The following LRRC7 variants were observed in gnomAD, a reference collection of about 807,000 sequenced individuals.
LRRC7 encodes leucine rich repeat containing 7.
A neutral mutation model predicts 175.7 loss-of-function variants in LRRC7; 23 were observed. That is an observed-to-expected ratio of 0.13 (90% CI 0.09 to 0.19). The LOEUF is 0.19. Ranked by LOEUF, LRRC7 falls within the 10% of genes least tolerant of loss-of-function variation. The probability of loss-of-function intolerance (pLI) is 1.00; values close to 1 mark genes in which losing one functional copy is unlikely to be tolerated. For missense variants in LRRC7, 1,354 were observed against 1,904.7 expected (o/e 0.71, Z 5.38); for synonymous variants, 685 against 680.9 (o/e 1.01, Z -0.09).
chr1:69,742,662 C>T (rs1283353141), intron 2 of LRRC7, among the ~76,000 whole-genome samples: 1 of 151,818 alleles, frequency 6.6e-6, no homozygotes, highest in Non-Finnish European at 1.5e-5. Flanking sequence ...GCATGATCAA[C>T]CATTCTGAGA....
chr1:70,004,924 G>T (rs1655867246), intron 11 of LRRC7, among the ~76,000 whole-genome samples: 1 of 152,054 alleles, frequency 6.6e-6, no homozygotes, highest in African/African-American at 2.4e-5. Context: ...TTTACATTTT[G>T]TGGAATAGAA....
chr1:70,098,791 T>G (rs1349656883), intron 25 of LRRC7, among the ~76,000 whole-genome samples: 1 of 151,124 alleles, frequency 6.6e-6, no homozygotes, highest in Non-Finnish European at 1.5e-5. Flanking sequence ...AATCTCTGAA[T>G]AGACCAATAA....
Position 70,107,846 on chromosome 1 carries a change from T to C in LRRC7, c.4620+20T>C, listed in dbSNP as rs1275330492. The C allele has an allele frequency of 2.5e-6, 4 of 1,569,116 alleles. No homozygotes were observed. The highest frequency in any genetic ancestry group is 3.5e-6 in the Non-Finnish European group (4 of 1,140,814). ...CTTCAGGTAAGACAGATAAAAGAAA[T>C]GCATGCAAATGCCATACTGAGACAA... On this transcript the variant is annotated intron_variant, in intron 26 of 26. Coordinates refer to ENST00000651989, the MANE Select transcript of LRRC7 (RefSeq NM_001370785.2).
intron 10 of LRRC7, among the ~76,000 whole-genome samples, chr1:69,989,640 A>G (rs1001959881): frequency 6.6e-6 from 1 of 152,128 alleles, no homozygotes; most frequent in African/African-American, 2.4e-5. Context: ...AAAAATGAAA[A>G]AGCAAACAAA....
At chr1:69,694,856 C>T (rs11809412) in intron 2 of LRRC7, among the ~76,000 whole-genome samples, 36,651 of 151,992 alleles carry the variant, frequency 0.24, 5,361 homozygotes, top group African/African-American at 0.4. Flanking sequence ...TGGCACCATG[C>T]TTCTTGTACA....
chr1:70,007,678 T>C (rs1656111005), intron 11 of LRRC7, among the ~76,000 whole-genome samples: 1 of 152,216 alleles, frequency 6.6e-6, no homozygotes, highest in Admixed American at 6.5e-5. Context: ...CATTAATGAA[T>C]TGTCATGTTC....
At chr1:69,835,460 AG>A (rs1680998018) in intron 6 of LRRC7, among the ~76,000 whole-genome samples, 1 of 152,000 alleles carries the variant, frequency 6.6e-6, no homozygotes, top group South Asian at 2.1e-4. Flanking sequence ...ACATAAAAAA[AG>A]TCTGTCTTCA....
At chr1:69,811,817 G>A (rs1462983965) in intron 4 of LRRC7, among the ~76,000 whole-genome samples, 1 of 152,144 alleles carries the variant, frequency 6.6e-6, no homozygotes, top group Non-Finnish European at 1.5e-5. Flanking sequence ...AATACCTAAT[G>A]TAGGTGACAG....
intron 7 of LRRC7, among the ~76,000 whole-genome samples, chr1:69,884,657 A>G (rs1231671297): frequency 1.4e-5 from 2 of 139,534 alleles, no homozygotes; most frequent in Non-Finnish European, 3.1e-5. Context: ...ACTATGTTGA[A>G]TAGGAGTGGT....
chr1:69,985,245 G>A (rs536737374), intron 9 of LRRC7, among the ~76,000 whole-genome samples: 176 of 152,208 alleles, frequency 1.2e-3, no homozygotes, highest in Non-Finnish European at 1.7e-3. Context: ...ATTCTTGATT[G>A]TTCTTGAATA....
chr1:70,082,781 A>AGTTTTTTTTTTTTTTTTTTTTTTTT (rs1663300880), intron 24 of LRRC7, among the ~76,000 whole-genome samples: 1 of 52,312 alleles, frequency 1.9e-5, no homozygotes, highest in Admixed American at 3.1e-4. Flanking sequence ...ATACCAGTAC[A>AGTTTTTTTTTTTTTTTTTTTTTTTT]TTTTTTTTTT....
intron 7 of LRRC7, among the ~76,000 whole-genome samples, chr1:69,928,208 G>T (rs1647152488): frequency 6.6e-6 from 1 of 152,162 alleles, no homozygotes; most frequent in African/African-American, 2.4e-5. Flanking sequence ...GTGTCAGTCT[G>T]CCCCTACTGT....
At position 70,141,501 on chromosome 1, in the gene LRRC7, G is replaced by A. The variant is rs1667060242; in HGVS notation, c.*19614G>A. The A allele has an allele frequency of 1.3e-5, 2 of 152,032 alleles. No individual in the cohort carries two copies. Among genetic ancestry groups the A allele is most frequent in the East Asian group, 1.9e-4 (1 of 5,174 alleles). The allele number at this position is 152,032 out of a possible 1,614,324, so 9.4% of individuals were successfully genotyped here. A position where few individuals can be genotyped will look rare whatever the true frequency, so the allele number is the denominator to read the frequency against. On this transcript the variant is annotated 3_prime_UTR_variant, in exon 27 of 27. Coordinates refer to ENST00000651989, the MANE Select transcript of LRRC7 (RefSeq NM_001370785.2). ...TGTCCTCAATATCTAGAAACAAGCA[G>A]GAACTGTTTGTCAGAAATTAAACAG...
intron 8 of LRRC7, among the ~76,000 whole-genome samples, chr1:69,946,317 A>G (rs751592847): frequency 2.0e-5 from 3 of 152,192 alleles, no homozygotes; most frequent in Non-Finnish European, 4.4e-5. Flanking sequence ...TATTCCAGAG[A>G]TAAATCCCAC....
intron 2 of LRRC7, among the ~76,000 whole-genome samples, chr1:69,701,537 C>T (rs1315199059): frequency 6.6e-6 from 1 of 152,070 alleles, no homozygotes; most frequent in African/African-American, 2.4e-5. Context: ...TCTCATCTCC[C>T]ATATTAAATG....
intron 1 of LRRC7, among the ~76,000 whole-genome samples, chr1:69,599,335 T>G (rs1486553726): frequency 1.3e-5 from 2 of 152,180 alleles, no homozygotes; most frequent in African/African-American, 4.8e-5. Context: ...CAATTTTCTT[T>G]TAGTCTGTGA....
At chr1:69,745,384 G>A (rs547083031) in intron 2 of LRRC7, among the ~76,000 whole-genome samples, 103 of 151,922 alleles carry the variant, frequency 6.8e-4, no homozygotes, top group Non-Finnish European at 1.3e-3. Context: ...CAATACTTTG[G>A]GGAGTATACA....
chr1:69,669,419 A>AAGT (rs1658737161), intron 1 of LRRC7, among the ~76,000 whole-genome samples: 1 of 152,190 alleles, frequency 6.6e-6, no homozygotes, highest in Non-Finnish European at 1.5e-5. Context: ...TAAACTCTCT[A>AAGT]CTGAAAAGTC....
chr1:70,100,468 A>T (rs977243012), intron 25 of LRRC7, among the ~76,000 whole-genome samples: 2 of 152,082 alleles, frequency 1.3e-5, no homozygotes, highest in African/African-American at 4.8e-5. Flanking sequence ...CCACTAAGAG[A>T]TTTGTGATCC....
Sources: allele counts gnomAD v4.1 joint callset (sites outside exome capture counted in the v4.1 genomes callset), GRCh38; gene constraint gnomAD v4.1.1; transcripts MANE v1.5; gene names NCBI Gene and HGNC (gene_info 2026-07-23, HGNC 2026-07-21).